The following PARD6G variants were observed in gnomAD, a reference collection of about 807,000 sequenced individuals.
The protein encoded by PARD6G is par-6 family cell polarity regulator gamma, also known as partitioning defective 6 homolog gamma.
In PARD6G, 7 loss-of-function variants were observed where a neutral mutation model predicts 10.7. That is an observed-to-expected ratio of 0.66 (90% confidence interval 0.37 to 1.23). The LOEUF is 1.23. PARD6G is among the 50% of genes most tolerant of loss of function. The pLI is 0.02. For synonymous variants in PARD6G, 287 were observed against 269.4 expected, an observed-to-expected ratio of 1.07 and a Z score of -0.64; for missense variants, 548 against 571.8, an observed-to-expected ratio of 0.96 and a Z score of 0.42.
chr18:80,190,529 C>A (rs542852235), intron 2 of PARD6G, among the ~76,000 whole-genome samples: 1 of 152,184 alleles, frequency 6.6e-6, no homozygotes, highest in Non-Finnish European at 1.5e-5. Context: ...TGCTTCTCCA[C>A]CTGTAAGTCC....
intron 2 of PARD6G, chr18:80,185,053 T>G (rs1488546936): frequency 6.6e-6 from 1 of 152,194 alleles, no homozygotes; most frequent in Non-Finnish European, 1.5e-5. Flanking sequence ...AGAGAGAGAT[T>G]TGTGAGAGAG....
intron 1 of PARD6G, among the ~76,000 whole-genome samples, chr18:80,204,558 C>A (rs1967037919): frequency 6.6e-6 from 1 of 151,536 alleles, no homozygotes; most frequent in African/African-American, 2.4e-5. Flanking sequence ...CCCCAGGTTA[C>A]CAAAAGCAAA....
chr18:80,182,981 C>A lies in PARD6G; in HGVS notation c.295+19729G>T. On this transcript the variant is annotated intron_variant, in intron 2 of 2. Coordinates refer to ENST00000353265, the MANE Select transcript of PARD6G (RefSeq NM_032510.4). The surrounding 1 kb of genome is among the most constrained non-coding windows in gnomAD (Gnocchi z 4.5). ...GACGCCCCTCCCAGTCCTCCTTCGT[C>A]CTGACGTGGCTCCCAGTGGAATGAG... is the stretch of plus-strand genomic sequence containing the variant. 1 of 653,204 alleles carries A rather than the reference C, an allele frequency of 1.5e-6. No homozygotes were observed. The highest frequency in any genetic ancestry group is 1.7e-5 in the South Asian group (1 of 58,840). The allele number at this position is 653,204 out of a possible 1,614,324, so 40.5% of individuals were successfully genotyped here.
At chr18:80,164,936 A>G (rs1485954166) in intron 2 of PARD6G, among the ~76,000 whole-genome samples, 1 of 152,274 alleles carries the variant, frequency 6.6e-6, no homozygotes, top group Non-Finnish European at 1.5e-5. Context: ...CTGAGGGAAC[A>G]GGACAAAAGG....
chr18:80,180,222 C>T lies in PARD6G; in HGVS notation c.296-19616G>A, dbSNP rs1346457211. On this transcript the variant is annotated intron_variant, in intron 2 of 2. Coordinates refer to ENST00000353265, the MANE Select transcript of PARD6G (RefSeq NM_032510.4). This position sits in a 1 kb window ranked among gnomAD's most constrained non-coding sequence, Gnocchi z 5.6. The stretch of plus-strand genomic sequence containing the variant: ...TCCTGAGCTCACTCCTGGTGATACA[C>T]CCTCAGCAGCCCAGGTGGCAGAGGG... Among the ~76,000 whole-genome samples, 2 of 152,250 alleles carry T rather than the reference C, an allele frequency of 1.3e-5. No individual in the cohort carries two copies. The highest frequency in any genetic ancestry group is 2.9e-5 in the Non-Finnish European group (2 of 68,038).
At chr18:80,167,489 T>C (rs950808816) in intron 2 of PARD6G, among the ~76,000 whole-genome samples, 8 of 152,254 alleles carry the variant, frequency 5.3e-5, no homozygotes, top group African/African-American at 1.9e-4. Flanking sequence ...CGGAATGGCC[T>C]GGACAGGGAA....
intron 2 of PARD6G, among the ~76,000 whole-genome samples, chr18:80,185,260 G>T (rs959448205): frequency 4.6e-5 from 7 of 152,136 alleles, no homozygotes; most frequent in African/African-American, 1.7e-4. Context: ...ATTCCCTCGA[G>T]CATACAGGTG....
At chr18:80,227,964 T>C (rs1967312178) in intron 1 of PARD6G, among the ~76,000 whole-genome samples, 1 of 152,192 alleles carries the variant, frequency 6.6e-6, no homozygotes, top group African/African-American at 2.4e-5. Flanking sequence ...GTGTCTCAAT[T>C]TGAACTCACT....
chr18:80,176,388 T>C (rs1488467718), intron 2 of PARD6G, among the ~76,000 whole-genome samples: 4 of 152,192 alleles, frequency 2.6e-5, no homozygotes, highest in African/African-American at 9.6e-5. Flanking sequence ...TCAAAGCCAG[T>C]ACCTCTTTAT....
chr18:80,229,350 G>A (rs1967333545), intron 1 of PARD6G, among the ~76,000 whole-genome samples: 1 of 152,242 alleles, frequency 6.6e-6, no homozygotes, highest in Non-Finnish European at 1.5e-5. Flanking sequence ...GTCCCAGTTA[G>A]GTCAGAAATT....
At chr18:80,194,797 GA>G (rs1366624352) in intron 2 of PARD6G, among the ~76,000 whole-genome samples, 1 of 152,104 alleles carries the variant, frequency 6.6e-6, no homozygotes, top group Non-Finnish European at 1.5e-5. Flanking sequence ...ACTGAGGGGG[GA>G]AATGATACCC....
intron 1 of PARD6G, among the ~76,000 whole-genome samples, chr18:80,213,619 G>GCAA (rs757860400): frequency 6.6e-6 from 1 of 152,136 alleles, no homozygotes; most frequent in Non-Finnish European, 1.5e-5. Context: ...AAATCCAACA[G>GCAA]CAACAACAAC....
chr18:80,182,993 C>T lies in PARD6G; in HGVS notation c.295+19717G>A. The T allele has an allele frequency of 3.0e-6, 2 of 665,544 alleles. No homozygotes were observed. Among genetic ancestry groups the T allele is most frequent in the South Asian group, 1.6e-5 (1 of 61,816 alleles). The allele number at this position is 665,544 out of a possible 1,614,324, so 41.2% of individuals were successfully genotyped here. A position where few individuals can be genotyped will look rare whatever the true frequency, so the allele number is the denominator to read the frequency against. ...AGTCCTCCTTCGTCCTGACGTGGCT[C>T]CCAGTGGAATGAGATGGCTGGGGTC... On this transcript the variant is annotated intron_variant, in intron 2 of 2. Coordinates refer to ENST00000353265, the MANE Select transcript of PARD6G (RefSeq NM_032510.4). The surrounding 1 kb of genome is among the most constrained non-coding windows in gnomAD (Gnocchi z 4.5).
In PARD6G at chr18:80,241,825, C is replaced by T. The variant is rs114037713; in HGVS notation, c.72+5452G>A. On this transcript the variant is annotated intron_variant, in intron 1 of 2. Coordinates refer to ENST00000353265, the MANE Select transcript of PARD6G (RefSeq NM_032510.4). ...ACCACCTGGAAGGTTCTGCTGCTGT[C>T]ATGCCAGGCTCCCTTCTTGCTGCCT... Among the ~76,000 whole-genome samples, 430 of 152,290 alleles carry T rather than the reference C, an allele frequency of 2.8e-3. 1 individual carries two copies. The highest frequency in any genetic ancestry group is 0.01 in the African/African-American group (417 of 41,542).
chr18:80,242,199 G>A (rs1448182841), intron 1 of PARD6G, among the ~76,000 whole-genome samples: 1 of 152,232 alleles, frequency 6.6e-6, no homozygotes, highest in Admixed American at 6.5e-5. Flanking sequence ...TCCCTAAGAT[G>A]TGACTTCCCA....
In PARD6G at chr18:80,228,656, C is replaced by T. The variant is rs902715680; in HGVS notation, c.72+18621G>A. Among the ~76,000 whole-genome samples the T allele has an allele frequency of 8.6e-5, 13 of 151,830 alleles. No individual in the cohort carries two copies. Among genetic ancestry groups the T allele is most frequent in the African/African-American group, 3.1e-4 (13 of 41,330 alleles). Reference sequence around the variant, plus strand: ...TGCGCCTCCCACCTAAGGCCCCGCCCACTGAGGCCCCATCCCCTGCCCACA... The same window carrying T: ...TGCGCCTCCCACCTAAGGCCCCGCCTACTGAGGCCCCATCCCCTGCCCACA... On this transcript the variant is annotated intron_variant, in intron 1 of 2. Transcript: ENST00000353265. The surrounding 1 kb of genome is among the most constrained non-coding windows in gnomAD (Gnocchi z 4.6).
intron 2 of PARD6G, among the ~76,000 whole-genome samples, chr18:80,186,678 C>T (rs1013851754): frequency 1.1e-4 from 17 of 152,302 alleles, no homozygotes; most frequent in African/African-American, 2.2e-4. Flanking sequence ...ACACGTGATA[C>T]GCAAGCAAGT....
chr18:80,199,086 C>A (rs535027963), intron 2 of PARD6G, among the ~76,000 whole-genome samples: 1 of 152,214 alleles, frequency 6.6e-6, no homozygotes, highest in African/African-American at 2.4e-5. Context: ...TTTCACATTA[C>A]AGAGGATTCT....
chr18:80,233,592 G>A (rs568165539), intron 1 of PARD6G, among the ~76,000 whole-genome samples: 9 of 152,278 alleles, frequency 5.9e-5, no homozygotes, highest in East Asian at 3.9e-4. Context: ...CCTGAGCCAC[G>A]GGATACAGGT....
Sources: allele counts gnomAD v4.1 joint callset (sites outside exome capture counted in the v4.1 genomes callset), GRCh38; gene constraint gnomAD v4.1.1; non-coding constraint Gnocchi (gnomAD v3.1); transcripts MANE v1.5; gene names NCBI Gene and HGNC (gene_info 2026-07-23, HGNC 2026-07-21).